Variants in RFFL observed in about 807,000 individuals in gnomAD.
The protein encoded by RFFL is ring finger and FYVE like domain containing E3 ubiquitin protein ligase, also known as E3 ubiquitin-protein ligase rififylin.
Under a neutral mutation model 40.4 loss-of-function variants are expected in RFFL, and 16 were observed. That is an observed-to-expected ratio of 0.40 (90% CI 0.27 to 0.60). The LOEUF is 0.60. RFFL is among the 20% of genes least tolerant of loss of function. The pLI, the probability that RFFL is intolerant of heterozygous loss-of-function variation, is 0.47. For missense variants in RFFL, 367 were observed against 451.7 expected, an observed-to-expected ratio of 0.81 and a Z score of 1.70; for synonymous variants, 154 against 167.9, an observed-to-expected ratio of 0.92 and a Z score of 0.64.
intron 1 of RFFL, among the ~76,000 whole-genome samples, chr17:35,028,203 G>A (rs988989007): frequency 2.0e-5 from 3 of 151,866 alleles, no homozygotes; most frequent in African/African-American, 7.3e-5. Context: ...AGGTGTGGTG[G>A]CACACACCTG....
At chr17:35,044,273 G>A (rs868138841) in intron 1 of RFFL, among the ~76,000 whole-genome samples, 12 of 152,000 alleles carry the variant, frequency 7.9e-5, no homozygotes, top group Admixed American at 3.3e-4. Context: ...GTAGAGACAG[G>A]GTCTATGTTA....
At chr17:35,029,700 T>A (rs143825707) in intron 1 of RFFL, among the ~76,000 whole-genome samples, 3,436 of 151,546 alleles carry the variant, frequency 0.023, 156 homozygotes, top group African/African-American at 0.079. Context: ...TATTTTTTTT[T>A]ATTATTATAC....
intron 1 of RFFL, among the ~76,000 whole-genome samples, chr17:35,039,210 A>G (rs976136586): frequency 8.0e-5 from 12 of 149,806 alleles, no homozygotes; most frequent in African/African-American, 2.7e-4. Context: ...CCCAGCCCAT[A>G]TGACAGATTT....
intron 1 of RFFL, among the ~76,000 whole-genome samples, chr17:35,075,986 CTTTTTTTTTTT>C (rs35996071): frequency 2.5e-5 from 2 of 80,030 alleles, no homozygotes; most frequent in African/African-American, 5.5e-5. Context: ...TCAATTTATT[CTTTTTTTTTTT>C]TTTTTTTTTT....
chr17:35,071,197 C>CAAAAAA (rs548193599), intron 1 of RFFL, among the ~76,000 whole-genome samples: 2 of 53,204 alleles, frequency 3.8e-5, no homozygotes, highest in African/African-American at 6.8e-5. Context: ...GACTCCAACT[C>CAAAAAA]AAAAAAAAAA....
At position 35,011,850 on chromosome 17, in the gene RFFL, TG is replaced by T; in HGVS notation, c.*117del. 1 of 979,030 alleles carries T rather than the reference TG, an allele frequency of 1.0e-6. No homozygotes were observed. Among genetic ancestry groups the T allele is most frequent in the Non-Finnish European group, 1.6e-6 (1 of 642,578 alleles). The allele number at this position is 979,030 out of a possible 1,614,324, so 60.6% of individuals were successfully genotyped here. A position where few individuals can be genotyped will look rare whatever the true frequency, so the allele number is the denominator to read the frequency against. ...GGGTGACATGGCATCTTGCTTGACC[TG>T]GTTTTGGGAACCCTGCAATATTTCT... On this transcript the variant is annotated 3_prime_UTR_variant, in exon 7 of 7. Transcript: ENST00000394597.
intron 5 of RFFL, 39 bp from the exon 6 acceptor site, chr17:35,014,802 A>G (rs1258267735): frequency 1.9e-6 from 3 of 1,598,180 alleles, no homozygotes; most frequent in Non-Finnish European, 2.6e-6. Context: ...TAGGTAAGGC[A>G]TGATGGTACA....
At position 35,017,547 on chromosome 17, in the gene RFFL, T is replaced by A. The variant is rs1343176756; in HGVS notation, c.651A>T (p.Arg217Ser). The stretch of plus-strand genomic sequence containing the variant: ...CCTGGGTCTCATCCTCAGCAGGTAC[T>A]CTGGCCACGCTCTCCAGGTAGACGG... ...EEPVYLESVA[R>S]VPAEDETQSI... Residue 217 changes from arginine (R) to serine (S), a missense_variant, in exon 4 of 7, where the codon AGA (arginine) becomes AGT (serine). Transcript: ENST00000394597. 1 of 1,611,238 alleles carries A rather than the reference T, an allele frequency of 6.2e-7. No homozygotes were observed. Among genetic ancestry groups the A allele is most frequent in the Non-Finnish European group, 8.5e-7 (1 of 1,178,610 alleles).
At chr17:35,035,408 C>CAAA (rs35989343) in intron 1 of RFFL, among the ~76,000 whole-genome samples, 2 of 115,770 alleles carry the variant, frequency 1.7e-5, no homozygotes, top group Non-Finnish European at 1.9e-5. Context: ...GACTCCATCT[C>CAAA]AAAAAAAAAA....
At chr17:35,055,347 G>A (rs1370768597) in intron 1 of RFFL, among the ~76,000 whole-genome samples, 1 of 152,018 alleles carries the variant, frequency 6.6e-6, no homozygotes, top group African/African-American at 2.4e-5. Context: ...GTCTTCAGAG[G>A]GTTACCAAGA....
intron 3 of RFFL, among the ~76,000 whole-genome samples, 189 bp downstream of exon 3, chr17:35,021,182 C>G (rs2091006024): frequency 6.6e-6 from 1 of 152,166 alleles, no homozygotes; most frequent in South Asian, 2.1e-4. Flanking sequence ...CTGTGCATAT[C>G]ACCTCTGAAG....
At chr17:35,065,339 T>C (rs544511139), upstream of RFFL, among the ~76,000 whole-genome samples, 173 of 152,152 alleles carry the variant, frequency 1.1e-3, no homozygotes, top group African/African-American at 3.9e-3. Context: ...GCGGATCACC[T>C]GAGGTCGGGA....
intron 1 of RFFL, among the ~76,000 whole-genome samples, chr17:35,040,431 G>A (rs1004843293): frequency 2.2e-4 from 33 of 151,704 alleles, no homozygotes; most frequent in African/African-American, 6.5e-4. Context: ...GTGAAACCCC[G>A]TCTCTACTAA....
intron 3 of RFFL, chr17:35,018,771 G>A (rs16970552): frequency 0.01 from 1,593 of 152,320 alleles, 37 homozygotes; most frequent in East Asian, 0.087. Flanking sequence ...CCAAATCAAT[G>A]TCTTCATCAA....
intron 1 of RFFL, among the ~76,000 whole-genome samples, chr17:35,041,298 C>A (rs1027767279): frequency 1.3e-5 from 2 of 152,046 alleles, no homozygotes; most frequent in African/African-American, 4.8e-5. Flanking sequence ...CCCCTCAACA[C>A]ACACACTTAA....
intron 2 of RFFL, among the ~76,000 whole-genome samples, chr17:35,023,837 G>A (rs1231262870): frequency 6.6e-6 from 1 of 152,142 alleles, no homozygotes; most frequent in East Asian, 1.9e-4. Flanking sequence ...CTATGCACCC[G>A]CTGGCTCACA....
chr17:35,071,080 C>T (rs2091346634), intron 1 of RFFL, among the ~76,000 whole-genome samples: 1 of 151,670 alleles, frequency 6.6e-6, no homozygotes, highest in Non-Finnish European at 1.5e-5. Context: ...TGCCTGTAGT[C>T]CCAGCTACTT....
In RFFL at chr17:35,009,526, AT is replaced by A. The variant is rs1188255860; in HGVS notation, c.*2441del. 6.6e-6 allele frequency: 1 copy of A among 152,142 alleles called. No homozygotes were observed. Among genetic ancestry groups the A allele is most frequent in the Non-Finnish European group, 1.5e-5 (1 of 68,030 alleles). 9.4% of individuals were successfully genotyped at this position (152,142 alleles called of 1,614,324 possible). A position where few individuals can be genotyped will look rare whatever the true frequency, so the allele number is the denominator to read the frequency against. On this transcript the variant is annotated 3_prime_UTR_variant, in exon 7 of 7. Transcript: ENST00000394597. ...AAATCAAATTTTAGACCTTGGTTAA[AT>A]ATTAACTGGAATGGGATCTTGGAAC...
chr17:35,031,389 G>T (rs1319368059), intron 1 of RFFL, among the ~76,000 whole-genome samples: 1 of 152,076 alleles, frequency 6.6e-6, no homozygotes, highest in East Asian at 1.9e-4. Flanking sequence ...TTACAGGCGT[G>T]AGCCACCACA....
Sources: allele counts gnomAD v4.1 joint callset (sites outside exome capture counted in the v4.1 genomes callset), GRCh38; gene constraint gnomAD v4.1.1; transcripts MANE v1.5; gene names NCBI Gene and HGNC (gene_info 2026-07-23, HGNC 2026-07-21).